The following LARGE1 variants were observed in gnomAD, a reference collection of about 807,000 sequenced individuals.
LARGE1 encodes xylosyl- and glucuronyltransferase LARGE1.
LARGE1 carries 43 observed loss-of-function variants against 87.6 expected under a neutral mutation model. That is an observed-to-expected ratio of 0.49 (90% confidence interval 0.38 to 0.63). The LOEUF is 0.63. Among genes scored for constraint, LARGE1 ranks in the 30% least tolerant of loss-of-function variants. The pLI, the probability that LARGE1 is intolerant of heterozygous loss-of-function variation, is 0.00. For missense variants in LARGE1, 802 were observed against 1,000.2 expected, an observed-to-expected ratio of 0.80 and a Z score of 2.67; for synonymous variants, 434 against 394.6, an observed-to-expected ratio of 1.10 and a Z score of -1.18.
At chr22:33,660,849 G>T (rs998574650) in intron 2 of LARGE1, among the ~76,000 whole-genome samples, 4 of 152,106 alleles carry the variant, frequency 2.6e-5, no homozygotes, top group African/African-American at 4.8e-5. Context: ...TTTCATAAGT[G>T]TTTTTTCCAC....
intron 2 of LARGE1, among the ~76,000 whole-genome samples, chr22:33,719,524 TTTATTTA>T (rs2083019575): frequency 2.0e-5 from 3 of 150,926 alleles, no homozygotes; most frequent in African/African-American, 4.9e-5. Flanking sequence ...TATTTATTTA[TTTATTTA>T]TTTTTTTGAG....
chr22:33,075,768 C>T, the LARGE1 span, among the ~76,000 whole-genome samples: 1 of 152,136 alleles, frequency 6.6e-6, no homozygotes, highest in African/African-American at 2.4e-5. Context: ...TATCACATTC[C>T]TTCCTCTTCA....
chr22:33,910,142 T>A (rs1320559148), intron 1 of LARGE1, among the ~76,000 whole-genome samples: 1 of 152,190 alleles, frequency 6.6e-6, no homozygotes, highest in Non-Finnish European at 1.5e-5. Flanking sequence ...CTTCTATTGT[T>A]GCTTAACTTA....
intron 2 of LARGE1, among the ~76,000 whole-genome samples, chr22:33,713,715 G>C (rs557416075): frequency 6.6e-6 from 1 of 152,122 alleles, no homozygotes; most frequent in Non-Finnish European, 1.5e-5. Context: ...ACAGCACCTT[G>C]GGTGTCCAAG....
chr22:33,456,347 C>G (rs556552693), intron 6 of LARGE1, among the ~76,000 whole-genome samples: 4 of 152,094 alleles, frequency 2.6e-5, no homozygotes, highest in Admixed American at 6.6e-5. Flanking sequence ...TCTGACCTAC[C>G]GTATTTGCTG....
intron 1 of LARGE1, among the ~76,000 whole-genome samples, chr22:33,851,475 A>G (rs986647512): frequency 6.6e-6 from 1 of 152,234 alleles, no homozygotes; most frequent in African/African-American, 2.4e-5. Flanking sequence ...AACTGTGTAC[A>G]TGTCTATTCA....
intron 7 of LARGE1, among the ~76,000 whole-genome samples, chr22:33,385,447 G>A (rs1014529484): frequency 7.4e-5 from 10 of 135,494 alleles, no homozygotes; most frequent in Non-Finnish European, 1.1e-4. Flanking sequence ...AGAATCACTC[G>A]AACCTGGGAG....
At chr22:33,419,472 C>T (rs1026024364) in intron 7 of LARGE1, among the ~76,000 whole-genome samples, 2 of 151,902 alleles carry the variant, frequency 1.3e-5, no homozygotes, top group Middle Eastern at 3.4e-3. Flanking sequence ...TTGCACGTGC[C>T]GTCCTCTCTA....
Position 33,569,997 on chromosome 22 carries a change from G to A in LARGE1, c.616-4978C>T, listed in dbSNP as rs148238031. On this transcript the variant is annotated intron_variant, in intron 5 of 14. Transcript: ENST00000397394. The stretch of plus-strand genomic sequence containing the variant: ...CCTAGGAGCAGAAGTGTTCATGATT[G>A]CTAAAATCCAGGGTCAGGACAGAAC... 9.4e-4 allele frequency among the ~76,000 whole-genome samples: 143 copies of A among 152,304 alleles called. 1 individual carries two copies. The highest frequency in any genetic ancestry group is 3.0e-3 in the African/African-American group (124 of 41,570).
chr22:33,730,999 A>ATTTT (rs376692050), intron 2 of LARGE1, among the ~76,000 whole-genome samples: 1 of 115,944 alleles, frequency 8.6e-6, no homozygotes, highest in Non-Finnish European at 1.8e-5. Flanking sequence ...CCAGCCTGCA[A>ATTTT]TTTTTTTTTT....
chr22:33,317,193 G>A (rs1936257634), intron 10 of LARGE1, among the ~76,000 whole-genome samples: 1 of 152,252 alleles, frequency 6.6e-6, no homozygotes, highest in Middle Eastern at 3.4e-3. Flanking sequence ...CAGCCTGGGT[G>A]ACAGAGTGAG....
At chr22:33,555,403 T>C (rs967378698) in intron 6 of LARGE1, among the ~76,000 whole-genome samples, 19 of 151,786 alleles carry the variant, frequency 1.3e-4, no homozygotes, top group Non-Finnish European at 2.5e-4. Context: ...ATGAGTCCTC[T>C]TGAAAAAAAA....
intron 1 of LARGE1, among the ~76,000 whole-genome samples, chr22:33,847,674 C>A (rs931698115): frequency 6.6e-6 from 1 of 152,178 alleles, no homozygotes; most frequent in African/African-American, 2.4e-5. Context: ...AGGACTCCAC[C>A]AGATGTACTA....
At chr22:33,751,302 G>A (rs1056027389) in intron 2 of LARGE1, among the ~76,000 whole-genome samples, 4 of 152,054 alleles carry the variant, frequency 2.6e-5, no homozygotes, top group Admixed American at 6.6e-5. Context: ...CCAACATGGC[G>A]AAACCCCATC....
At chr22:33,642,986 C>A (rs1193226197) in intron 3 of LARGE1, among the ~76,000 whole-genome samples, 8 of 152,042 alleles carry the variant, frequency 5.3e-5, no homozygotes, top group African/African-American at 1.4e-4. Context: ...TTAGACAGAT[C>A]AATGAGCAGA....
chr22:33,750,254 C>T (rs1282574275), intron 2 of LARGE1, among the ~76,000 whole-genome samples: 1 of 152,188 alleles, frequency 6.6e-6, no homozygotes, highest in African/African-American at 2.4e-5. Context: ...GCACTGTGCA[C>T]ATGGACAGCC....
At position 33,712,564 on chromosome 22, in the gene LARGE1, C is replaced by T. The variant is rs760361044; in HGVS notation, c.106+48807G>A. 5.3e-5 allele frequency among the ~76,000 whole-genome samples: 8 copies of T among 150,376 alleles called. No individual in the cohort carries two copies. In the South Asian group the frequency reaches 6.3e-4, roughly 12 times the overall value. ...TCCTTGACTCTGAGTGGTCAAGAGACGAAAGAAATGGGTAGAGAAGTGGAG... is the reference window on the plus strand; with the variant it reads ...TCCTTGACTCTGAGTGGTCAAGAGATGAAAGAAATGGGTAGAGAAGTGGAG... On this transcript the variant is annotated intron_variant, in intron 2 of 14. Coordinates refer to ENST00000397394, the MANE Select transcript of LARGE1 (RefSeq NM_133642.5).
chr22:33,877,621 G>T (rs777789572), intron 1 of LARGE1, among the ~76,000 whole-genome samples: 28 of 152,248 alleles, frequency 1.8e-4, no homozygotes, highest in South Asian at 6.2e-4. Context: ...GAAGTGAGCT[G>T]TGCTATAAAT....
chr22:33,740,942 A>C (rs936332767), intron 2 of LARGE1, among the ~76,000 whole-genome samples: 23 of 152,210 alleles, frequency 1.5e-4, no homozygotes, highest in African/African-American at 5.5e-4. Context: ...TGAGAGTTTG[A>C]GAAATGTGAA....
Sources: allele counts gnomAD v4.1 joint callset (sites outside exome capture counted in the v4.1 genomes callset), GRCh38; gene constraint gnomAD v4.1.1; transcripts MANE v1.5; gene names NCBI Gene and HGNC (gene_info 2026-07-23, HGNC 2026-07-21).